Variants in DMD observed in about 807,000 individuals in gnomAD.
DMD encodes mutant dystrophin.
In DMD, 63 loss-of-function variants were observed where a neutral mutation model predicts 330.1. That is an observed-to-expected ratio of 0.19 (90% CI 0.16 to 0.24). DMD has a LOEUF of 0.24. Among genes scored for constraint, DMD ranks in the 10% least tolerant of loss-of-function variants. The pLI is 1.00. For missense variants in DMD, 3,344 were observed against 2,684.1 expected (o/e 1.25, Z -5.43); for synonymous variants, 1,223 against 959.8 (o/e 1.27, Z -5.07).
chrX:33,290,826 T>A (rs1247365133), intron 1 of DMD, among the ~76,000 whole-genome samples: 1 of 111,347 alleles, frequency 9.0e-6, no homozygotes, highest in African/African-American at 3.3e-5. Context: ...TACCCCTCCT[T>A]CATCCTTAAA....
chrX:32,734,449 G>A (rs1388663290), intron 7 of DMD, among the ~76,000 whole-genome samples: 1 of 107,417 alleles, frequency 9.3e-6, no homozygotes, highest in Non-Finnish European at 1.9e-5. Flanking sequence ...AAGCCTGGCA[G>A]AGACACAACC....
chrX:31,845,636 G>A (rs1038371779), intron 48 of DMD, among the ~76,000 whole-genome samples: 8 of 110,458 alleles, frequency 7.2e-5, no homozygotes, highest in Non-Finnish European at 9.5e-5. Flanking sequence ...GAACAAACAG[G>A]AGCAGCACGG....
At chrX:31,777,889 C>T (rs967479639) in intron 50 of DMD, among the ~76,000 whole-genome samples, 6 of 111,800 alleles carry the variant, frequency 5.4e-5, no homozygotes, top group African/African-American at 9.8e-5. Flanking sequence ...GTTCTACATT[C>T]GTATGGGATT....
At chrX:32,779,745 C>A (rs1478318146) in intron 7 of DMD, among the ~76,000 whole-genome samples, 2 of 101,787 alleles carry the variant, frequency 2.0e-5, no homozygotes, top group Non-Finnish European at 4.0e-5. Flanking sequence ...GGAGGGATAG[C>A]ATTAGGAGAT....
chrX:33,292,302 C>T (rs1603428931), intron 1 of DMD, among the ~76,000 whole-genome samples: 3 of 111,099 alleles, frequency 2.7e-5, no homozygotes, highest in Admixed American at 1.9e-4. Context: ...AAAAGAGTAG[C>T]GAAGATAATA....
intron 44 of DMD, among the ~76,000 whole-genome samples, chrX:32,002,141 A>T (rs2095631367): frequency 9.0e-6 from 1 of 111,522 alleles, no homozygotes; most frequent in Admixed American, 9.5e-5. Context: ...TTACTTTCAC[A>T]AATTCCAGTC....
rs889480473 is a variant in DMD at position 33,211,262 on chromosome X, T to C, written c.31+20A>G. 1 of 1,205,992 alleles carries C rather than the reference T, an allele frequency of 8.3e-7. No individual in the cohort carries two copies. The highest frequency in any genetic ancestry group is 2.2e-5 in the Admixed American group (1 of 45,576). Reference sequence around the variant, plus strand: ...ACGTTATGCCACAGTAAAATATATTTTTAGTTACTTTGTACTTACAACAGT... The same window carrying C: ...ACGTTATGCCACAGTAAAATATATTCTTAGTTACTTTGTACTTACAACAGT... On this transcript the variant is annotated intron_variant, in intron 1 of 78. Transcript: ENST00000357033.
chrX:32,302,192 T>C (rs961381039), intron 42 of DMD, among the ~76,000 whole-genome samples: 2 of 111,419 alleles, frequency 1.8e-5, no homozygotes, highest in Non-Finnish European at 3.8e-5. Flanking sequence ...TAGTATTCAC[T>C]AAATTGAATG....
chrX:31,836,866 A>G (rs756436074), intron 48 of DMD, 47 bp from the exon 49 acceptor site: 1 of 1,053,731 alleles, frequency 9.5e-7, no homozygotes, highest in Non-Finnish European at 1.3e-6. Context: ...ACAGTTAGCA[A>G]TAAAATTACT....
At chrX:33,337,890 C>T (rs745562415) in intron 1 of DMD, among the ~76,000 whole-genome samples, 22 of 111,702 alleles carry the variant, frequency 2.0e-4, no homozygotes, top group Non-Finnish European at 4.0e-4. Context: ...ACAATTACTA[C>T]AGAAAAGGCA....
At chrX:32,600,859 T>C (rs1321700213) in intron 12 of DMD, among the ~76,000 whole-genome samples, 1 of 110,830 alleles carries the variant, frequency 9.0e-6, no homozygotes, top group East Asian at 2.8e-4. Context: ...AGGAATAGAG[T>C]TGAGTCTAAC....
rs752758550 is a variant in DMD, at chrX:33,179,673, G to A, written c.31+31609C>T. Among the ~76,000 whole-genome samples the A allele has an allele frequency of 1.0e-3, 107 of 103,519 alleles. 1 individual carries two copies. In the East Asian group the frequency reaches 0.015, roughly 14 times the overall value. The allele number at this position is 103,519 out of a possible 115,157, so 89.9% of individuals were successfully genotyped here. ...CGCGCCACTGCACTCTAGCCTGGGT[G>A]ACAGAGCGAGACTCCGTCTCAAAAA... On this transcript the variant is annotated intron_variant, in intron 1 of 78. Coordinates refer to ENST00000357033, the MANE Select transcript of DMD (RefSeq NM_004006.3).
At chrX:33,151,490 T>A (rs187695683) in intron 1 of DMD, among the ~76,000 whole-genome samples, 136 of 112,462 alleles carry the variant, frequency 1.2e-3, no homozygotes, top group African/African-American at 4.3e-3. Context: ...AAATATCAAT[T>A]AAATCTGAAT....
At chrX:32,367,672 T>C (rs749018856) in intron 34 of DMD, among the ~76,000 whole-genome samples, 1 of 112,166 alleles carries the variant, frequency 8.9e-6, no homozygotes, top group East Asian at 2.8e-4. Flanking sequence ...TGTGTCAACA[T>C]CTGGCCAAAT....
intron 60 of DMD, among the ~76,000 whole-genome samples, chrX:31,404,954 A>T (rs767221901): frequency 8.9e-6 from 1 of 112,194 alleles, no homozygotes; most frequent in East Asian, 2.8e-4. Flanking sequence ...TTGGCAAAAT[A>T]CCAATGAAAT....
chrX:31,185,129 A>T (rs929927391), intron 67 of DMD, among the ~76,000 whole-genome samples: 1 of 111,146 alleles, frequency 9.0e-6, no homozygotes, highest in Non-Finnish European at 1.9e-5. Context: ...ATAAAATAAA[A>T]AAAATAAAGA....
intron 11 of DMD, among the ~76,000 whole-genome samples, chrX:32,615,336 C>T (rs993952616): frequency 1.8e-5 from 2 of 111,206 alleles, no homozygotes; most frequent in Non-Finnish European, 3.8e-5. Context: ...CACAGCCCAG[C>T]GGTAAGCTCT....
At chrX:32,903,531 T>C (rs747288682) in intron 2 of DMD, among the ~76,000 whole-genome samples, 2 of 111,640 alleles carry the variant, frequency 1.8e-5, no homozygotes, top group South Asian at 3.8e-4. Flanking sequence ...GGGAGCTTTC[T>C]TAAAATGCTC....
At chrX:32,343,703 C>G (rs910202881) in intron 39 of DMD, among the ~76,000 whole-genome samples, 2 of 111,504 alleles carry the variant, frequency 1.8e-5, no homozygotes, top group Non-Finnish European at 3.8e-5. Flanking sequence ...ATATCTTTAG[C>G]CTTGGGGCTC....
Sources: allele counts gnomAD v4.1 joint callset (sites outside exome capture counted in the v4.1 genomes callset), GRCh38; gene constraint gnomAD v4.1.1; transcripts MANE v1.5; gene names NCBI Gene and HGNC (gene_info 2026-07-23, HGNC 2026-07-21).